The following DPP10 variants were observed in gnomAD, a reference collection of about 807,000 sequenced individuals.
DPP10 encodes the protein dipeptidyl peptidase like 10.
A neutral mutation model predicts 120.9 loss-of-function variants in DPP10; 33 were observed. The observed-to-expected ratio is 0.27, with a 90% confidence interval of 0.21 to 0.37. The LOEUF (loss-of-function observed/expected upper bound fraction) is 0.37. DPP10 is among the 10% of genes least tolerant of loss of function. DPP10 has a pLI of 1.00. For missense variants in DPP10, 816 were observed against 942.8 expected, an observed-to-expected ratio of 0.87 and a Z score of 1.76; for synonymous variants, 337 against 326.1, an observed-to-expected ratio of 1.03 and a Z score of -0.36.
In DPP10 at chr2:114,826,475, A is replaced by T. The variant is rs557220942; in HGVS notation, c.60+383637A>T. Among the ~76,000 whole-genome samples the T allele has an allele frequency of 5.9e-5, 9 of 152,342 alleles. No homozygotes were observed. In the South Asian group the frequency reaches 1.7e-3, roughly 28 times the overall value. ...AATTAAAAGCATAAAAAGTTTATTT[A>T]TCAAAATTTCATGTGGCATGGGAGC... On this transcript the variant is annotated intron_variant, in intron 1 of 25. Transcript: ENST00000410059.
intron 1 of DPP10, among the ~76,000 whole-genome samples, chr2:114,711,550 G>T (rs768167623): frequency 6.6e-6 from 1 of 152,186 alleles, no homozygotes; most frequent in African/African-American, 2.4e-5. Flanking sequence ...TCATAAGACT[G>T]TTGTAAGCAT....
At chr2:115,594,940 T>C (rs1558899889) in intron 5 of DPP10, among the ~76,000 whole-genome samples, 1 of 152,172 alleles carries the variant, frequency 6.6e-6, no homozygotes, top group Non-Finnish European at 1.5e-5. Context: ...TATATAAATA[T>C]AACCCAAATA....
intron 5 of DPP10, among the ~76,000 whole-genome samples, chr2:115,557,382 T>A (rs1353042318): frequency 2.0e-5 from 3 of 152,170 alleles, no homozygotes; most frequent in African/African-American, 4.8e-5. Context: ...TCAAAACAGA[T>A]TACCAGTCTG....
At chr2:115,017,173 A>C (rs1381730609) in intron 1 of DPP10, among the ~76,000 whole-genome samples, 8 of 151,768 alleles carry the variant, frequency 5.3e-5, no homozygotes, top group Non-Finnish European at 1.2e-4. Context: ...TAACCTGCAC[A>C]TTGTGCACAT....
chr2:114,835,677 A>G (rs1400282395), intron 1 of DPP10: 4 of 152,182 alleles, frequency 2.6e-5, no homozygotes, highest in Non-Finnish European at 5.9e-5. Context: ...TTTCCTGGTC[A>G]CTAAGAGCAT....
At chr2:115,309,186 A>G (rs2061482360) in intron 1 of DPP10, 53 bp from the exon 2 acceptor site, 1 of 1,389,058 alleles carries the variant, frequency 7.2e-7, no homozygotes, top group East Asian at 2.3e-5. Flanking sequence ...CTTTATGAAT[A>G]CATTTCTCTT....
At chr2:115,190,792 TGC>T (rs2054823949) in intron 1 of DPP10, among the ~76,000 whole-genome samples, 1 of 152,212 alleles carries the variant, frequency 6.6e-6, no homozygotes, top group Non-Finnish European at 1.5e-5. Context: ...GTCTCTGGCC[TGC>T]CTGTCGCACA....
rs70941010 is a variant in DPP10 at position 114,831,022 on chromosome 2, A to ATTTTTTTTTT, written c.60+388211_60+388220dup. 6.5e-5 allele frequency among the ~76,000 whole-genome samples: 3 copies of ATTTTTTTTTT among 45,976 alleles called. 1 individual carries two copies. Among genetic ancestry groups the ATTTTTTTTTT allele is most frequent in the African/African-American group, 2.6e-4 (3 of 11,616 alleles). 30.2% of individuals were successfully genotyped at this position (45,976 alleles called of 152,430 possible). On this transcript the variant is annotated intron_variant, in intron 1 of 25. Coordinates refer to ENST00000410059, the MANE Select transcript of DPP10 (RefSeq NM_020868.6). Reference sequence around the variant, plus strand: ...GGAATATTTAAACATCCATGCAAAGATTTTTTTTTTTTTTTTTTTTTTTTT... The same window carrying ATTTTTTTTTT: ...GGAATATTTAAACATCCATGCAAAGATTTTTTTTTTTTTTTTTTTTTTTTTTTTTTTTTTT...
At chr2:115,777,028 C>A (rs1575748022) in intron 13 of DPP10, among the ~76,000 whole-genome samples, 180 bp from the exon 14 acceptor site, 1 of 152,076 alleles carries the variant, frequency 6.6e-6, no homozygotes, top group African/African-American at 2.4e-5. Flanking sequence ...AGGCACTAAC[C>A]TACCTGCCTT....
chr2:115,698,786 G>T (rs1318043991), intron 7 of DPP10, among the ~76,000 whole-genome samples: 1 of 151,892 alleles, frequency 6.6e-6, no homozygotes, highest in Non-Finnish European at 1.5e-5. Flanking sequence ...ACTGTCTTTG[G>T]TATTTTGTTA....
chr2:114,568,346 G>A (rs558157024), intron 1 of DPP10, among the ~76,000 whole-genome samples: 19 of 152,224 alleles, frequency 1.2e-4, no homozygotes, highest in African/African-American at 4.1e-4. Context: ...ATCAAAATAC[G>A]ATTGCTGAGT....
chr2:114,632,389 A>ATAAG (rs1694986501), intron 1 of DPP10, among the ~76,000 whole-genome samples: 1 of 151,524 alleles, frequency 6.6e-6, no homozygotes, highest in African/African-American at 2.4e-5. Context: ...TGGTAATTTT[A>ATAAG]TAAGTACTAT....
At chr2:115,692,926 A>C (rs1170110413) in intron 7 of DPP10, among the ~76,000 whole-genome samples, 1 of 152,176 alleles carries the variant, frequency 6.6e-6, no homozygotes, top group African/African-American at 2.4e-5. Context: ...ACTGTGGCTA[A>C]ATAAGGTTTC....
chr2:114,950,636 G>T (rs1027893711), intron 1 of DPP10, among the ~76,000 whole-genome samples: 1 of 151,316 alleles, frequency 6.6e-6, no homozygotes, highest in African/African-American at 2.4e-5. Context: ...GAACACCTTT[G>T]GGTTTTCTAT....
intron 13 of DPP10, 21 bp downstream of exon 13, chr2:115,768,425 A>C (rs767998837): frequency 1.9e-6 from 3 of 1,602,734 alleles, no homozygotes; most frequent in Non-Finnish European, 2.6e-6. Flanking sequence ...GCTTTTTTCC[A>C]TGTTTTGATT....
chr2:114,462,145 TTTTC>T (rs1237194955), intron 1 of DPP10: 1 of 985,214 alleles, frequency 1.0e-6, no homozygotes, highest in Non-Finnish European at 1.2e-6. Context: ...CACCAGGTAA[TTTTC>T]TTTATTAAAA....
intron 3 of DPP10, among the ~76,000 whole-genome samples, chr2:115,484,064 A>G (rs1054101282): frequency 6.6e-6 from 1 of 151,960 alleles, no homozygotes; most frequent in Non-Finnish European, 1.5e-5. Flanking sequence ...ACAAACAGCA[A>G]ACTCTGCTCA....
At chr2:114,588,911 G>A (rs1031995710) in intron 1 of DPP10, among the ~76,000 whole-genome samples, 2 of 151,654 alleles carry the variant, frequency 1.3e-5, no homozygotes, top group East Asian at 1.9e-4. Flanking sequence ...TTTCAGTTGC[G>A]TTCTATAGAA....
At chr2:115,453,275 A>G (rs1490419448) in intron 3 of DPP10, among the ~76,000 whole-genome samples, 1 of 151,540 alleles carries the variant, frequency 6.6e-6, no homozygotes, top group Admixed American at 6.6e-5. Flanking sequence ...TATTGCTAGA[A>G]GGAACTCATA....
Sources: gnomAD v4.1 joint callset for allele counts (sites outside exome capture counted in the v4.1 genomes callset) on GRCh38, gnomAD v4.1.1 for gene constraint, MANE v1.5 for transcripts, NCBI Gene and HGNC (gene_info 2026-07-23, HGNC 2026-07-21) for gene names.